Variants in ELMO2 observed in about 807,000 individuals in gnomAD.
ELMO2 encodes engulfment and cell motility protein 2.
ELMO2 carries 37 observed loss-of-function variants against 96.2 expected under a neutral mutation model. The ratio of observed to expected loss-of-function variants is 0.38; its 90% confidence interval spans 0.30 to 0.51. The LOEUF (loss-of-function observed/expected upper bound fraction) is 0.51, where lower values mean the gene tolerates loss of function less well. Ranked by LOEUF, ELMO2 falls within the 20% of genes least tolerant of loss-of-function variation. ELMO2 has a pLI of 0.88. For synonymous variants in ELMO2, 315 were observed against 329.4 expected, an observed-to-expected ratio of 0.96 and a Z score of 0.47; for missense variants, 561 against 912.6, an observed-to-expected ratio of 0.61 and a Z score of 4.96.
intron 2 of ELMO2, among the ~76,000 whole-genome samples, chr20:46,395,498 G>A (rs1306067683): frequency 1.3e-5 from 2 of 152,202 alleles, no homozygotes; most frequent in Non-Finnish European, 2.9e-5. Context: ...TCCAGGTTTA[G>A]CCATTCACCC....
At chr20:46,376,966 G>T (rs1600837136) in intron 11 of ELMO2, 2 of 415,638 alleles carry the variant, frequency 4.8e-6, no homozygotes, top group Non-Finnish European at 8.5e-6. Context: ...AGCGGCTACA[G>T]CAATGCAGAT....
chr20:46,403,927 T>C (rs2060377774), intron 1 of ELMO2, among the ~76,000 whole-genome samples: 1 of 152,004 alleles, frequency 6.6e-6, no homozygotes, highest in African/African-American at 2.4e-5. Context: ...CTACTAAAAA[T>C]ACAAAAATCA....
Position 46,387,415 on chromosome 20 carries a change from T to G in ELMO2, c.448A>C (p.Thr150Pro), listed in dbSNP as rs2060066307. The G allele has an allele frequency of 1.2e-6, 2 of 1,613,830 alleles. No individual in the cohort carries two copies. The highest frequency in any genetic ancestry group is 1.7e-5 in the Admixed American group (1 of 59,986). Residue 150 changes from threonine to proline, a missense_variant, in exon 8 of 22, where the codon ACC becomes CCC. Thr to Pro is a conservative substitution (Grantham distance 38). Coordinates refer to ENST00000290246, the MANE Select transcript of ELMO2 (RefSeq NM_133171.5). ...ATGAGCTCTAGGAAGGCAGTCAGGG[T>G]GAATGCCAGCATCTCACTGTAGCTG... ...LSHYSEMLAFTLTAFLELMDH... is the reference protein window; with the variant it reads ...LSHYSEMLAFPLTAFLELMDH...
Position 46,374,601 on chromosome 20 carries a change from G to A in ELMO2, c.1105C>T (p.Pro369Ser). ...ATGTTGTCCAAGGCCAGCATTCCAG[G>A]AGGAGTCTGGGTAAAGTCCATGGCT... ...NPAMDFTQTP[P>S]GMLALDNMLY... Residue 369 changes from proline to serine, a missense_variant, in exon 14 of 22, where the codon CCT (proline) becomes TCT (serine). Transcript: ENST00000290246. 1 of 1,614,186 alleles carries A rather than the reference G, an allele frequency of 6.2e-7. No homozygotes were observed. The highest frequency in any genetic ancestry group is 8.5e-7 in the Non-Finnish European group (1 of 1,180,030).
intron 10 of ELMO2, 77 bp downstream of exon 10, chr20:46,383,339 T>C (rs2059988991): frequency 7.1e-6 from 10 of 1,408,620 alleles, no homozygotes; most frequent in African/African-American, 1.4e-5. Flanking sequence ...TTGTGCTCTC[T>C]GCATAGCAAA....
At chr20:46,376,907 T>A in intron 11 of ELMO2, 1 of 1,042,404 alleles carries the variant, frequency 9.6e-7, no homozygotes, top group Non-Finnish European at 1.2e-6. Context: ...AAAATTTGGT[T>A]CCTTAGTTGC....
intron 1 of ELMO2, among the ~76,000 whole-genome samples, chr20:46,404,597 G>A (rs947710404): frequency 3.9e-5 from 6 of 152,172 alleles, no homozygotes; most frequent in Non-Finnish European, 8.8e-5. Flanking sequence ...AGACTCTAGA[G>A]GGTATACAAA....
intron 2 of ELMO2, among the ~76,000 whole-genome samples, chr20:46,396,455 C>T (rs1255542207): frequency 1.3e-5 from 2 of 152,124 alleles, no homozygotes; most frequent in Non-Finnish European, 2.9e-5. Flanking sequence ...ACATGCATCT[C>T]CCTGTAACCA....
intron 1 of ELMO2, among the ~76,000 whole-genome samples, chr20:46,401,470 C>A (rs1216992552): frequency 6.6e-6 from 1 of 152,120 alleles, no homozygotes; most frequent in African/African-American, 2.4e-5. Context: ...GGTGTGGGGG[C>A]AGGGGAACTA....
chr20:46,372,024 GC>G, intron 16 of ELMO2, 55 bp from the exon 17 acceptor site: 1 of 1,604,158 alleles, frequency 6.2e-7, no homozygotes, highest in Non-Finnish European at 8.5e-7. Flanking sequence ...AAATGGACAG[GC>G]CTATTATGGA....
At chr20:46,390,156 AAAAAT>A (rs1217528587) in intron 6 of ELMO2, among the ~76,000 whole-genome samples, 2 of 152,172 alleles carry the variant, frequency 1.3e-5, no homozygotes, top group Admixed American at 6.5e-5. Flanking sequence ...CCATCTCAAA[AAAAAT>A]AAAATAAAAT....
At chr20:46,372,622 ACT>A (rs1297408258) in intron 16 of ELMO2, among the ~76,000 whole-genome samples, 1 of 152,050 alleles carries the variant, frequency 6.6e-6, no homozygotes, top group Non-Finnish European at 1.5e-5. Flanking sequence ...CAAGAGTGAA[ACT>A]CTGTCTCAAA....
Position 46,386,288 on chromosome 20 carries a change from ATG to A in ELMO2, c.526-15_526-14del. 6.2e-7 allele frequency: 1 copy of A among 1,613,144 alleles called. No homozygotes were observed. The highest frequency in any genetic ancestry group is 1.7e-5 in the Admixed American group (1 of 59,964). ...CATACCCTGCAATCTAGACCCAGAG[ATG>A]GCACATCAATTGAGAAGCTCAGGGC... On this transcript the variant is annotated splice_polypyrimidine_tract_variant and intron_variant, in intron 8 of 21. Coordinates refer to ENST00000290246, the MANE Select transcript of ELMO2 (RefSeq NM_133171.5).
At chr20:46,384,365 T>C (rs2060006058) in intron 9 of ELMO2, among the ~76,000 whole-genome samples, 4 of 152,318 alleles carry the variant, frequency 2.6e-5, no homozygotes, top group Admixed American at 2.6e-4. Context: ...GAGGGTCTGA[T>C]GGGCTTCCTG....
chr20:46,386,136 G>A lies in ELMO2; in HGVS notation c.665C>T (p.Ser222Leu). 6.2e-7 allele frequency: 1 copy of A among 1,614,094 alleles called. No homozygotes were observed. ...AEEITVGQLISHLQVSNQEIQ... is the reference protein window; with the variant it reads ...AEEITVGQLILHLQVSNQEIQ... ...GTTTTTTACTCACACCTGGAGGTGT[G>A]AGATGAGCTGTCCCACGGTGATTTC... The change falls in exon 9 of 22, where the codon TCA becomes TTA. Residue 222 changes from serine (S) to leucine (L), a missense_variant. By Grantham distance (145) the Ser-to-Leu change is moderately radical. Transcript: ENST00000290246.
At position 46,371,923 on chromosome 20, in the gene ELMO2, T is replaced by A; in HGVS notation, c.1463A>T (p.Lys488Ile). Residue 488 changes from lysine to isoleucine, a missense_variant, in exon 17 of 22, where the codon AAA becomes ATA. Physicochemically the swap from Lys to Ile is moderately radical, Grantham distance 102. Transcript: ENST00000290246. The surrounding 1 kb of genome is among the most constrained non-coding windows in gnomAD (Gnocchi z 5.9). ...CTTGAACTGATCCAAAGAGTTGGGTTTGGAGGGCAAAGCTCGAGTGATTTG... is the reference window on the plus strand; with the variant it reads ...CTTGAACTGATCCAAAGAGTTGGGTATGGAGGGCAAAGCTCGAGTGATTTG... ...REQITRALPS[K>I]PNSLDQFKSK... The A allele has an allele frequency of 2.5e-6, 4 of 1,614,142 alleles. No homozygotes were observed. Among genetic ancestry groups the A allele is most frequent in the Non-Finnish European group, 3.4e-6 (4 of 1,180,036 alleles).
intron 19 of ELMO2, 144 bp from the exon 20 acceptor site, chr20:46,370,669 GGGT>G (rs2059684651): frequency 1.3e-6 from 1 of 755,344 alleles, no homozygotes; most frequent in Non-Finnish European, 2.3e-6. Context: ...AGCTCAGTGA[GGGT>G]GGTGGGGAGG....
chr20:46,372,148 C>A (rs937690772), intron 16 of ELMO2, among the ~76,000 whole-genome samples, 179 bp from the exon 17 acceptor site: 1 of 152,172 alleles, frequency 6.6e-6, no homozygotes, highest in Non-Finnish European at 1.5e-5. Flanking sequence ...ATGACTGACA[C>A]TGATAGATGC....
intron 1 of ELMO2, among the ~76,000 whole-genome samples, chr20:46,402,420 A>C (rs995075890): frequency 1.3e-5 from 2 of 152,238 alleles, no homozygotes; most frequent in African/African-American, 4.8e-5. Context: ...AACCACAATG[A>C]CTGAAGAGAT....
Sources: allele counts gnomAD v4.1 joint callset (sites outside exome capture counted in the v4.1 genomes callset), GRCh38; gene constraint gnomAD v4.1.1; non-coding constraint Gnocchi (gnomAD v3.1); transcripts MANE v1.5; gene names NCBI Gene and HGNC (gene_info 2026-07-23, HGNC 2026-07-21).